GPR63: variants seen among roughly 807,000 people sequenced by gnomAD.
GPR63 encodes G protein-coupled receptor 63, also known as probable G protein-coupled receptor 63.
A neutral mutation model predicts 23.1 loss-of-function variants in GPR63; 12 were observed. That is an observed-to-expected ratio of 0.52 (90% CI 0.33 to 0.84). The LOEUF is 0.84. Among genes scored for constraint, GPR63 ranks in the 40% least tolerant of loss-of-function variants. The pLI, the probability that GPR63 is intolerant of heterozygous loss-of-function variation, is 0.02. For missense variants in GPR63, 472 were observed against 515.6 expected (o/e 0.92, Z 0.82); for synonymous variants, 172 against 191.1 (o/e 0.90, Z 0.82).
intron 1 of GPR63, among the ~76,000 whole-genome samples, chr6:96,804,873 T>C (rs761576189): frequency 6.6e-6 from 1 of 152,196 alleles, no homozygotes; most frequent in Non-Finnish European, 1.5e-5. Flanking sequence ...GTTATGTAAA[T>C]AGTATATTTA....
Position 96,796,997 on chromosome 6 carries a change from T to C in GPR63, c.*1475A>G, listed in dbSNP as rs1211730447. The C allele has an allele frequency of 1.3e-5, 2 of 152,176 alleles. No homozygotes were observed. The highest frequency in any genetic ancestry group is 2.9e-5 in the Non-Finnish European group (2 of 68,066). The allele number at this position is 152,176 out of a possible 1,614,324, so 9.4% of individuals were successfully genotyped here. On this transcript the variant is annotated 3_prime_UTR_variant, in exon 2 of 2. Transcript: ENST00000229955. The stretch of plus-strand genomic sequence containing the variant: ...GCCAAGGCAGGCAGATCGTTTGAGC[T>C]CAGGACTCTGAGACCAGCCTGGGCA...
intron 1 of GPR63, among the ~76,000 whole-genome samples, chr6:96,816,537 G>A (rs1031366011): frequency 3.9e-5 from 6 of 152,116 alleles, no homozygotes; most frequent in African/African-American, 1.4e-4. Flanking sequence ...CCAAAGCAGG[G>A]AGAACCTGAG....
Position 96,799,751 on chromosome 6 carries a change from A to T in GPR63, c.-20T>A, listed in dbSNP as rs1401910827. The T allele has an allele frequency of 6.2e-7, 1 of 1,613,782 alleles. No homozygotes were observed. The highest frequency in any genetic ancestry group is 1.3e-5 in the African/African-American group (1 of 74,924). ...GACCATGGTTTCAGTAGGATGGAAG[A>T]TGCAAGCAGAGATGCAGGAGTTCTT... On this transcript the variant is annotated 5_prime_UTR_variant, in exon 2 of 2. Coordinates refer to ENST00000229955, the MANE Select transcript of GPR63 (RefSeq NM_030784.4).
chr6:96,835,831 C>A (rs1774712656), intron 1 of GPR63, among the ~76,000 whole-genome samples: 1 of 152,140 alleles, frequency 6.6e-6, no homozygotes, highest in Non-Finnish European at 1.5e-5. Flanking sequence ...TCTTCGAAAA[C>A]TTCCCATTAC....
At chr6:96,813,062 G>C (rs1042538125) in intron 1 of GPR63, among the ~76,000 whole-genome samples, 4 of 151,952 alleles carry the variant, frequency 2.6e-5, no homozygotes, top group Non-Finnish European at 4.4e-5. Flanking sequence ...CCATGACATA[G>C]CTTCTTTAGC....
intron 1 of GPR63, among the ~76,000 whole-genome samples, chr6:96,827,020 A>C (rs922076167): frequency 4.6e-5 from 7 of 150,738 alleles, no homozygotes; most frequent in Admixed American, 1.3e-4. Context: ...AATTACCACA[A>C]AGTTCCAAGG....
At chr6:96,833,847 T>C (rs900870151) in intron 1 of GPR63, among the ~76,000 whole-genome samples, 5 of 152,100 alleles carry the variant, frequency 3.3e-5, no homozygotes, top group African/African-American at 4.8e-5. Flanking sequence ...TCTGGGAAGA[T>C]GTAATTCTTT....
In GPR63 at chr6:96,837,425, T is replaced by C; in HGVS notation, c.-308A>G. The C allele has an allele frequency of 6.5e-6, 1 of 153,768 alleles. No homozygotes were observed. Among genetic ancestry groups the C allele is most frequent in the Non-Finnish European group, 1.4e-5 (1 of 68,966 alleles). 9.5% of individuals were successfully genotyped at this position (153,768 alleles called of 1,614,324 possible). ...AGGAAGGAGGACAACGAAGAGGAGG[T>C]GGTGGCGGCGGCGGCGATACAGGCG... On this transcript the variant is annotated 5_prime_UTR_variant, in exon 1 of 2. Transcript: ENST00000229955.
At chr6:96,812,311 C>T (rs1774065295) in intron 1 of GPR63, among the ~76,000 whole-genome samples, 2 of 152,088 alleles carry the variant, frequency 1.3e-5, no homozygotes, top group Admixed American at 6.5e-5. Flanking sequence ...ATATTCACCA[C>T]AAAAAAGAAG....
intron 1 of GPR63, among the ~76,000 whole-genome samples, chr6:96,814,406 T>C (rs888979553): frequency 2.0e-5 from 3 of 152,204 alleles, no homozygotes; most frequent in Non-Finnish European, 4.4e-5. Context: ...AATTCTTAAA[T>C]GTCTACCATG....
At chr6:96,815,190 T>C (rs986503405) in intron 1 of GPR63, among the ~76,000 whole-genome samples, 3 of 152,188 alleles carry the variant, frequency 2.0e-5, no homozygotes, top group Non-Finnish European at 4.4e-5. Context: ...TTTAACTTCA[T>C]GTGAGGAAGC....
intron 1 of GPR63, among the ~76,000 whole-genome samples, chr6:96,806,193 C>G (rs1245755296): frequency 6.6e-6 from 1 of 152,150 alleles, no homozygotes; most frequent in Non-Finnish European, 1.5e-5. Flanking sequence ...CATGGTAAGA[C>G]ACATGTGCGA....
At chr6:96,806,433 T>A (rs562871614) in intron 1 of GPR63, among the ~76,000 whole-genome samples, 9 of 152,268 alleles carry the variant, frequency 5.9e-5, no homozygotes, top group African/African-American at 2.2e-4. Context: ...AGCTGCCATA[T>A]TTGAGTAATC....
At chr6:96,816,485 T>A (rs1039209650) in intron 1 of GPR63, among the ~76,000 whole-genome samples, 21 of 152,032 alleles carry the variant, frequency 1.4e-4, no homozygotes, top group Non-Finnish European at 3.1e-4. Context: ...CCAAAAAAGC[T>A]GGATAACATT....
chr6:96,803,982 CAT>C (rs201180765), intron 1 of GPR63, among the ~76,000 whole-genome samples: 3,302 of 152,308 alleles, frequency 0.022, 51 homozygotes, highest in East Asian at 0.033. Flanking sequence ...ACATAATACA[CAT>C]GTTTATACAA....
rs1165646885 is a variant in GPR63 at position 96,821,747 on chromosome 6, T to C, written c.-151+15521A>G. On this transcript the variant is annotated intron_variant, in intron 1 of 1. Coordinates refer to ENST00000229955, the MANE Select transcript of GPR63 (RefSeq NM_030784.4). ...AACAATCATGTACCAAGACCATATA[T>C]GACATGATGTCTACTAAAAACAAGT... 2.6e-5 allele frequency among the ~76,000 whole-genome samples: 4 copies of C among 152,152 alleles called. 1 individual carries two copies. The highest frequency in any genetic ancestry group is 5.9e-5 in the Non-Finnish European group (4 of 68,036).
At chr6:96,802,052 T>A (rs1235111454) in intron 1 of GPR63, among the ~76,000 whole-genome samples, 1 of 152,140 alleles carries the variant, frequency 6.6e-6, no homozygotes, top group Non-Finnish European at 1.5e-5. Flanking sequence ...TAGACAAATG[T>A]GTATCTTAAG....
In GPR63 at chr6:96,803,857, T is replaced by C. The variant is rs546818639; in HGVS notation, c.-150-3976A>G. The stretch of plus-strand genomic sequence containing the variant: ...GGTAACATTTACACAGGAGTCTTAA[T>C]GTTAAATCCAATCTCGACTAGTCTT... On this transcript the variant is annotated intron_variant, in intron 1 of 1. Transcript: ENST00000229955. 4.6e-5 allele frequency among the ~76,000 whole-genome samples: 7 copies of C among 152,370 alleles called. No individual in the cohort carries two copies. In the South Asian group the frequency reaches 1.4e-3, roughly 32 times the overall value.
chr6:96,794,486 T>C lies in GPR63; in HGVS notation c.*3986A>G, dbSNP rs1427101683. ...AACTAAAAATCATTGTAGAATAAAA[T>C]GTCAAGCAAGTGAAAACTTTTCTGT... On this transcript the variant is annotated 3_prime_UTR_variant, in exon 2 of 2. Coordinates refer to ENST00000229955, the MANE Select transcript of GPR63 (RefSeq NM_030784.4). 1.3e-5 allele frequency: 2 copies of C among 152,244 alleles called. No individual in the cohort carries two copies. The highest frequency in any genetic ancestry group is 2.9e-5 in the Non-Finnish European group (2 of 67,990). The allele number at this position is 152,244 out of a possible 1,614,324, so 9.4% of individuals were successfully genotyped here.
Sources: gnomAD v4.1 joint callset for allele counts (sites outside exome capture counted in the v4.1 genomes callset) on GRCh38, gnomAD v4.1.1 for gene constraint, MANE v1.5 for transcripts, NCBI Gene and HGNC (gene_info 2026-07-23, HGNC 2026-07-21) for gene names.